AMN1: variants seen among roughly 807,000 people sequenced by gnomAD.
AMN1 encodes antagonist of mitotic exit network 1 homolog, also known as protein AMN1 homolog.
AMN1 carries 20 observed loss-of-function variants against 33.0 expected under a neutral mutation model. The ratio of observed to expected loss-of-function variants is 0.61; its 90% CI spans 0.43 to 0.88. AMN1 has a LOEUF of 0.88. Ranked by LOEUF, AMN1 falls within the 40% of genes least tolerant of loss-of-function variation. The pLI is 0.00. For synonymous variants in AMN1, 114 were observed against 111.9 expected (o/e 1.02, Z -0.12); for missense variants, 246 against 307.4 (o/e 0.80, Z 1.49).
At chr12:31,681,474 C>A (rs1487010975) in intron 6 of AMN1, among the ~76,000 whole-genome samples, 1 of 152,174 alleles carries the variant, frequency 6.6e-6, no homozygotes, top group Non-Finnish European at 1.5e-5. Flanking sequence ...GGTGATCCAC[C>A]TGCCTCGGCC....
At chr12:31,728,309 CAAT>C (rs1940164678) in intron 1 of AMN1, among the ~76,000 whole-genome samples, 1 of 152,146 alleles carries the variant, frequency 6.6e-6, no homozygotes, top group Non-Finnish European at 1.5e-5. Flanking sequence ...ATAATAATAA[CAAT>C]AACACTTAGT....
intron 2 of AMN1, among the ~76,000 whole-genome samples, chr12:31,703,510 C>T (rs1010335385): frequency 1.3e-5 from 2 of 152,054 alleles, no homozygotes; most frequent in African/African-American, 4.8e-5. Flanking sequence ...TCTGTGTGCA[C>T]CCAGCGATTG....
chr12:31,709,255 ATATAATATGCTTGCTTTACAGT>A lies in AMN1; in HGVS notation c.171+16_171+37del, dbSNP rs773053288. ...ATCTAAAACCATATCTAAACAGAAA[ATATAATATGCTTGCTTTACAGT>A]TATTCATACTCTTACCTCACTTATA... is the stretch of plus-strand genomic sequence containing the variant. On this transcript the variant is annotated intron_variant, in intron 2 of 6. Coordinates refer to ENST00000281471, the MANE Select transcript of AMN1 (RefSeq NM_001113402.2). The A allele has an allele frequency of 6.2e-7, 1 of 1,604,452 alleles. No individual in the cohort carries two copies. Among genetic ancestry groups the A allele is most frequent in the South Asian group, 1.1e-5 (1 of 90,304 alleles).
chr12:31,685,571 C>A (rs991401055), intron 6 of AMN1, among the ~76,000 whole-genome samples: 3 of 151,962 alleles, frequency 2.0e-5, no homozygotes, highest in Admixed American at 2.0e-4. Flanking sequence ...GAGGCCAAGG[C>A]GGGCAGATCA....
chr12:31,725,547 G>GT (rs1281901176), intron 1 of AMN1, among the ~76,000 whole-genome samples: 1 of 152,170 alleles, frequency 6.6e-6, no homozygotes, highest in Non-Finnish European at 1.5e-5. Flanking sequence ...TGCTTCTAAT[G>GT]TAAGTGTTAC....
At chr12:31,698,096 G>A (rs2139687786) in intron 3 of AMN1, 139 bp from the exon 4 acceptor site, 1 of 740,502 alleles carries the variant, frequency 1.4e-6, no homozygotes, top group East Asian at 2.7e-5. Context: ...AGGAAATACT[G>A]ATTTTCCAGT....
intron 6 of AMN1, among the ~76,000 whole-genome samples, chr12:31,681,545 A>G (rs1379328162): frequency 6.6e-6 from 1 of 151,862 alleles, no homozygotes; most frequent in Non-Finnish European, 1.5e-5. Flanking sequence ...ATTATTATTA[A>G]TATTAGATCT....
intron 5 of AMN1, among the ~76,000 whole-genome samples, chr12:31,692,864 C>T (rs1938563327): frequency 6.6e-6 from 1 of 151,884 alleles, no homozygotes; most frequent in South Asian, 2.1e-4. Context: ...ATTAAAGAAA[C>T]TTATGAAATG....
Position 31,713,762 on chromosome 12 carries a change from T to C in AMN1, c.39-4337A>G, listed in dbSNP as rs561260138. On this transcript the variant is annotated intron_variant, in intron 1 of 6. Coordinates refer to ENST00000281471, the MANE Select transcript of AMN1 (RefSeq NM_001113402.2). ...GTGCGGGGGTGCTGAGGTGGGAGGA[T>C]TGTTTGAGTCCAGGAGGTGAGGCTG... Among the ~76,000 whole-genome samples the C allele has an allele frequency of 6.0e-4, 92 of 152,174 alleles. 1 individual carries two copies. The highest frequency in any genetic ancestry group is 1.0e-3 in the South Asian group (5 of 4,822).
At position 31,697,948 on chromosome 12, in the gene AMN1, G is replaced by A. The variant is rs1253728093; in HGVS notation, c.326C>T (p.Ala109Val). 1 of 1,613,792 alleles carries A rather than the reference G, an allele frequency of 6.2e-7. No homozygotes were observed. ...TAGGTATGAACAAGATGAAGCCACA[G>A]CTTTTATTCCTGGGGGAAAATATAA... ...RVSVTSEGIKAVASSCSYLHE... is the reference protein window; with the variant it reads ...RVSVTSEGIKVVASSCSYLHE... Residue 109 changes from alanine (A) to valine (V), a missense_variant, in exon 4 of 7, where the codon GCT becomes GTT. Transcript: ENST00000281471.
At chr12:31,696,245 TAAA>T (rs1938721238) in intron 5 of AMN1, among the ~76,000 whole-genome samples, 1 of 147,774 alleles carries the variant, frequency 6.8e-6, no homozygotes, top group Non-Finnish European at 1.5e-5. Context: ...TCAAAATAAA[TAAA>T]TAAATTAATT....
chr12:31,712,900 C>T (rs577676471), intron 1 of AMN1, among the ~76,000 whole-genome samples: 136 of 149,374 alleles, frequency 9.1e-4, no homozygotes, highest in Non-Finnish European at 1.4e-3. Flanking sequence ...GTGATCCACA[C>T]GCCTCGGCCT....
chr12:31,723,042 C>G (rs1319872685), intron 1 of AMN1, among the ~76,000 whole-genome samples: 1 of 152,082 alleles, frequency 6.6e-6, no homozygotes, highest in Non-Finnish European at 1.5e-5. Flanking sequence ...CCTGTAATCC[C>G]AGCTACTTGG....
At chr12:31,679,690 T>C (rs1475507774) in intron 6 of AMN1, among the ~76,000 whole-genome samples, 1 of 152,168 alleles carries the variant, frequency 6.6e-6, no homozygotes, top group Non-Finnish European at 1.5e-5. Context: ...CCTTCTAAAA[T>C]CCTCCATGTC....
At chr12:31,693,263 G>A (rs1938581398) in intron 5 of AMN1, among the ~76,000 whole-genome samples, 1 of 152,064 alleles carries the variant, frequency 6.6e-6, no homozygotes, top group African/African-American at 2.4e-5. Flanking sequence ...TTGAGATGGA[G>A]TTTCGCTCTT....
intron 2 of AMN1, among the ~76,000 whole-genome samples, chr12:31,706,696 C>T (rs1021169): frequency 0.96 from 146,249 of 152,282 alleles, 70,523 homozygotes; most frequent in East Asian, 1. Flanking sequence ...AGTGATTAAC[C>T]ATCTTTTTCT....
At position 31,689,027 on chromosome 12, in the gene AMN1, T is replaced by G; in HGVS notation, c.683A>C (p.His228Pro). ...CTAACCTGTTATCAAGGGGCATCCA[T>G]GGAAGAGTAATATACGTATTTGAGG... ...YCPQIRILLF[H>P]GCPLITDHSR... The change falls in exon 6 of 7, where the codon CAT becomes CCT. Residue 228 changes from histidine to proline, a missense_variant. Transcript: ENST00000281471. 6.2e-7 allele frequency: 1 copy of G among 1,612,630 alleles called. No homozygotes were observed. The highest frequency in any genetic ancestry group is 8.5e-7 in the Non-Finnish European group (1 of 1,179,100).
intron 3 of AMN1, among the ~76,000 whole-genome samples, chr12:31,699,743 T>A (rs74638537): frequency 7.2e-5 from 11 of 152,158 alleles, no homozygotes; most frequent in African/African-American, 2.7e-4. Context: ...AGTTGGTCAG[T>A]CATATGTACC....
intron 6 of AMN1, among the ~76,000 whole-genome samples, chr12:31,685,035 T>A (rs536293869): frequency 4.6e-5 from 7 of 151,572 alleles, no homozygotes; most frequent in Admixed American, 1.3e-4. Context: ...ATTATTATTT[T>A]TTTTTTTTTG....
Sources: allele counts gnomAD v4.1 joint callset (sites outside exome capture counted in the v4.1 genomes callset), GRCh38; gene constraint gnomAD v4.1.1; transcripts MANE v1.5; gene names NCBI Gene and HGNC (gene_info 2026-07-23, HGNC 2026-07-21).